Variants in EXOC4 observed in about 807,000 individuals in gnomAD.
EXOC4 encodes the protein SEC8-like 1.
In EXOC4, 71 loss-of-function variants were observed where a neutral mutation model predicts 107.2. That is an observed-to-expected ratio of 0.66 (90% CI 0.55 to 0.81). The LOEUF is 0.81. Among genes scored for constraint, EXOC4 ranks in the 30% least tolerant of loss-of-function variants. EXOC4 has a pLI of 0.00. For missense variants in EXOC4, 1,108 were observed against 1,189.6 expected, an observed-to-expected ratio of 0.93 and a Z score of 1.01; for synonymous variants, 456 against 441.2, an observed-to-expected ratio of 1.03 and a Z score of -0.42.
intron 10 of EXOC4, among the ~76,000 whole-genome samples, chr7:133,641,994 CT>C (rs1802867974): frequency 6.6e-6 from 1 of 152,168 alleles, no homozygotes; most frequent in African/African-American, 2.4e-5. Flanking sequence ...GGAGGTCTGT[CT>C]GCTTTATAAG....
At chr7:133,290,415 C>T (rs1028250333) in intron 3 of EXOC4, among the ~76,000 whole-genome samples, 3 of 152,134 alleles carry the variant, frequency 2.0e-5, no homozygotes, top group Admixed American at 2.0e-4. Context: ...TATAGGGTGT[C>T]TGATAGAAAA....
chr7:133,661,731 G>T (rs1318803279), intron 10 of EXOC4, among the ~76,000 whole-genome samples: 2 of 134,796 alleles, frequency 1.5e-5, no homozygotes, highest in East Asian at 4.9e-4. Flanking sequence ...GTCAGACTCT[G>T]TATTTTAAAA....
intron 14 of EXOC4, 73 bp from the exon 15 acceptor site, chr7:133,997,419 A>G: frequency 6.4e-7 from 1 of 1,566,326 alleles, no homozygotes; most frequent in East Asian, 2.2e-5. Context: ...GATGAACAGC[A>G]AAATAATATG....
chr7:133,268,635 C>G (rs1018316832), intron 1 of EXOC4, among the ~76,000 whole-genome samples: 9 of 152,138 alleles, frequency 5.9e-5, no homozygotes, highest in African/African-American at 1.9e-4. Context: ...AATACAGAGG[C>G]TAGTATGAAA....
intron 7 of EXOC4, among the ~76,000 whole-genome samples, chr7:133,424,223 A>C (rs570119345): frequency 6.6e-6 from 1 of 151,766 alleles, no homozygotes; most frequent in Non-Finnish European, 1.5e-5. Flanking sequence ...GCTGCTGCTC[A>C]CTCTTTGGGT....
chr7:133,533,342 A>G lies in EXOC4; in HGVS notation c.1417+53204A>G, dbSNP rs144887616. 2.4e-3 allele frequency among the ~76,000 whole-genome samples: 372 copies of G among 152,138 alleles called. 5 individuals are homozygous for G. The highest frequency in any genetic ancestry group is 8.4e-3 in the African/African-American group (347 of 41,516). On this transcript the variant is annotated intron_variant, in intron 9 of 17. Transcript: ENST00000253861. Reference sequence around the variant, plus strand: ...TCATCTCTATAAACGCTTGTGTTGAAATGCTTTTTGGTCTTAAGTGATGGA... The same window carrying G: ...TCATCTCTATAAACGCTTGTGTTGAGATGCTTTTTGGTCTTAAGTGATGGA...
intron 4 of EXOC4, among the ~76,000 whole-genome samples, chr7:133,316,332 C>T (rs1221765323): frequency 6.6e-6 from 1 of 152,120 alleles, no homozygotes. Flanking sequence ...TCTGCTTCCC[C>T]TTTGCCTGCT....
chr7:133,621,075 T>C (rs1202603033), intron 9 of EXOC4, among the ~76,000 whole-genome samples: 1 of 152,218 alleles, frequency 6.6e-6, no homozygotes, highest in Non-Finnish European at 1.5e-5. Context: ...CATTGGGCAC[T>C]GCTGCTAATG....
chr7:133,569,566 T>C (rs1800975809), intron 9 of EXOC4, among the ~76,000 whole-genome samples: 1 of 152,192 alleles, frequency 6.6e-6, no homozygotes, highest in African/African-American at 2.4e-5. Context: ...CATTCAGTGT[T>C]ACTGAGAGAG....
intron 9 of EXOC4, among the ~76,000 whole-genome samples, chr7:133,615,685 C>T (rs1802178185): frequency 6.6e-6 from 1 of 152,104 alleles, no homozygotes; most frequent in Non-Finnish European, 1.5e-5. Flanking sequence ...AAGTTGTGCT[C>T]CATGGACCAT....
chr7:133,646,304 A>G (rs924813715), intron 10 of EXOC4, among the ~76,000 whole-genome samples: 1 of 152,176 alleles, frequency 6.6e-6, no homozygotes, highest in African/African-American at 2.4e-5. Flanking sequence ...AGTATTTTTC[A>G]TAGCTTGGAA....
chr7:133,716,367 G>A (rs1794998727), intron 10 of EXOC4, among the ~76,000 whole-genome samples: 2 of 152,164 alleles, frequency 1.3e-5, no homozygotes, highest in Non-Finnish European at 2.9e-5. Flanking sequence ...AGCGAGTCTT[G>A]GGTGAATGCA....
chr7:133,988,909 T>TG (rs1475403448), intron 14 of EXOC4, among the ~76,000 whole-genome samples: 1 of 152,154 alleles, frequency 6.6e-6, no homozygotes, highest in East Asian at 1.9e-4. Context: ...ATATAAGCCT[T>TG]GGGAAACACT....
intron 6 of EXOC4, among the ~76,000 whole-genome samples, chr7:133,369,161 C>G (rs1796309333): frequency 6.6e-6 from 1 of 152,160 alleles, no homozygotes; most frequent in Non-Finnish European, 1.5e-5. Context: ...TAAATATTAA[C>G]AACATATTTC....
At chr7:133,848,573 A>G (rs1585195789) in intron 11 of EXOC4, among the ~76,000 whole-genome samples, 1 of 152,196 alleles carries the variant, frequency 6.6e-6, no homozygotes. Context: ...TGGTCTAGTT[A>G]TTGTCCCTGA....
intron 10 of EXOC4, among the ~76,000 whole-genome samples, chr7:133,701,102 A>C (rs1794646624): frequency 6.6e-6 from 1 of 152,244 alleles, no homozygotes; most frequent in Admixed American, 6.5e-5. Flanking sequence ...TGAACTTGCA[A>C]GTGGTATTCC....
intron 10 of EXOC4, among the ~76,000 whole-genome samples, chr7:133,652,130 A>C (rs182046238): frequency 2.0e-5 from 3 of 152,326 alleles, no homozygotes; most frequent in South Asian, 2.1e-4. Flanking sequence ...CGTGACACTG[A>C]CAGTAAATAT....
rs71162035 is a variant in EXOC4 at position 133,857,325 on chromosome 7, GTATATATATATA to G, written c.1735-38244_1735-38233del. 1.5e-3 allele frequency among the ~76,000 whole-genome samples: 4 copies of G among 2,594 alleles called. 1 individual carries two copies. The highest frequency in any genetic ancestry group is 3.7e-3 in the African/African-American group (2 of 542). The allele number at this position is 2,594 out of a possible 152,430, so 1.7% of individuals were successfully genotyped here. A position where few individuals can be genotyped will look rare whatever the true frequency, so the allele number is the denominator to read the frequency against. On this transcript the variant is annotated intron_variant, in intron 11 of 17. Coordinates refer to ENST00000253861, the MANE Select transcript of EXOC4 (RefSeq NM_021807.4). Reference sequence around the variant, plus strand: ...CGTATATATATATATATATATACACGTATATATATATATATATATATATATATATATATATAT... The same window carrying G: ...CGTATATATATATATATATATACACGTATATATATATATATATATATATAT...
chr7:133,487,490 C>T (rs1799290139), intron 9 of EXOC4, among the ~76,000 whole-genome samples: 1 of 152,140 alleles, frequency 6.6e-6, no homozygotes, highest in Admixed American at 6.5e-5. Context: ...GGGTGGATCA[C>T]CTGAGGTCAG....
Sources: allele counts gnomAD v4.1 joint callset (sites outside exome capture counted in the v4.1 genomes callset), GRCh38; gene constraint gnomAD v4.1.1; transcripts MANE v1.5; gene names NCBI Gene and HGNC (gene_info 2026-07-23, HGNC 2026-07-21).